The following TRPM3 variants were observed in gnomAD, a reference collection of about 807,000 sequenced individuals.
TRPM3 encodes the protein long transient receptor potential channel 3.
In TRPM3, 77 loss-of-function variants were observed where a neutral mutation model predicts 181.2. That is an observed-to-expected ratio of 0.42 (90% confidence interval 0.35 to 0.51). The LOEUF is 0.51. TRPM3 is among the 20% of genes least tolerant of loss of function. The pLI is 0.01. For synonymous variants in TRPM3, 745 were observed against 796.4 expected (o/e 0.94, Z 1.09); for missense variants, 1,759 against 2,196.7 (o/e 0.80, Z 3.98).
intron 1 of TRPM3, among the ~76,000 whole-genome samples, chr9:71,158,638 T>C (rs943137899): frequency 6.6e-6 from 1 of 152,150 alleles, no homozygotes; most frequent in Admixed American, 6.6e-5. Flanking sequence ...ATTAGAATAA[T>C]AATGTCTCTC....
intron 1 of TRPM3, among the ~76,000 whole-genome samples, chr9:71,402,874 C>A (rs1463519913): frequency 6.6e-6 from 1 of 151,926 alleles, no homozygotes; most frequent in Non-Finnish European, 1.5e-5. Flanking sequence ...TGAATCAGAG[C>A]CAGTGCACAG....
chr9:70,832,327 G>T (rs1320215888), intron 5 of TRPM3, among the ~76,000 whole-genome samples: 1 of 152,062 alleles, frequency 6.6e-6, no homozygotes, highest in Non-Finnish European at 1.5e-5. Context: ...ATCTAAAAGA[G>T]AAATTTGCTT....
At chr9:70,553,533 G>A (rs1026423309) in intron 22 of TRPM3, among the ~76,000 whole-genome samples, 1 of 152,142 alleles carries the variant, frequency 6.6e-6, no homozygotes, top group African/African-American at 2.4e-5. Context: ...GTCTCCCCAA[G>A]TTATCACCTG....
chr9:71,196,751 T>C (rs2078394700), intron 1 of TRPM3, among the ~76,000 whole-genome samples: 1 of 152,096 alleles, frequency 6.6e-6, no homozygotes, highest in Non-Finnish European at 1.5e-5. Context: ...GACTTACATG[T>C]GTTTCAAAGA....
At chr9:70,778,511 GTTCT>G (rs2081889711) in intron 7 of TRPM3, among the ~76,000 whole-genome samples, 1 of 152,084 alleles carries the variant, frequency 6.6e-6, no homozygotes, top group Non-Finnish European at 1.5e-5. Context: ...AACCACCAGC[GTTCT>G]TTGTCTGTAC....
chr9:70,762,538 C>A (rs1484713751), intron 7 of TRPM3, among the ~76,000 whole-genome samples: 1 of 152,172 alleles, frequency 6.6e-6, no homozygotes, highest in Non-Finnish European at 1.5e-5. Context: ...TTATTAATAA[C>A]AGATACTATT....
intron 20 of TRPM3, among the ~76,000 whole-genome samples, chr9:70,601,366 C>G (rs1050987347): frequency 1.3e-5 from 2 of 152,164 alleles, no homozygotes; most frequent in Non-Finnish European, 2.9e-5. Context: ...ACCACAAAGC[C>G]TTCCTTTTGT....
At chr9:71,211,337 G>A (rs112974992) in intron 1 of TRPM3, among the ~76,000 whole-genome samples, 3,429 of 147,418 alleles carry the variant, frequency 0.023, 54 homozygotes, top group South Asian at 0.041. Context: ...TCTTTCATTT[G>A]TTACTGTTCT....
At chr9:70,656,917 T>C (rs1554806365) in intron 9 of TRPM3, among the ~76,000 whole-genome samples, 1 of 126,828 alleles carries the variant, frequency 7.9e-6, no homozygotes, top group Non-Finnish European at 1.7e-5. Flanking sequence ...AAGAAAGTTA[T>C]AAAAAAAAGT....
intron 1 of TRPM3, among the ~76,000 whole-genome samples, chr9:71,030,733 T>C (rs527938312): frequency 6.6e-6 from 1 of 152,308 alleles, no homozygotes; most frequent in South Asian, 2.1e-4. Flanking sequence ...CAAATAAATG[T>C]ATTAATCTGT....
upstream of TRPM3, among the ~76,000 whole-genome samples, chr9:71,126,609 C>T (rs1311930376): frequency 6.6e-6 from 1 of 152,170 alleles, no homozygotes; most frequent in Middle Eastern, 3.4e-3. Flanking sequence ...GGTATATTTC[C>T]CCTTTTGCCA....
intron 1 of TRPM3, among the ~76,000 whole-genome samples, chr9:71,131,241 G>C (rs1400714706): frequency 1.3e-5 from 2 of 152,124 alleles, no homozygotes; most frequent in Non-Finnish European, 2.9e-5. Flanking sequence ...TTCTCCTCCA[G>C]CTCTTCATGA....
At chr9:71,246,963 C>T (rs902843448) in intron 1 of TRPM3, among the ~76,000 whole-genome samples, 1 of 152,092 alleles carries the variant, frequency 6.6e-6, no homozygotes, top group Non-Finnish European at 1.5e-5. Context: ...TATTTCAAAC[C>T]CCAGACTGTT....
intron 1 of TRPM3, among the ~76,000 whole-genome samples, chr9:71,076,096 G>T (rs998821212): frequency 6.6e-6 from 1 of 152,036 alleles, no homozygotes; most frequent in African/African-American, 2.4e-5. Context: ...TAGAATGTGC[G>T]GGGGAGGGGG....
chr9:71,446,325 A>G (rs2094202968), intron 1 of TRPM3, among the ~76,000 whole-genome samples: 1 of 152,140 alleles, frequency 6.6e-6, no homozygotes, highest in Non-Finnish European at 1.5e-5. Context: ...CGTACACAGG[A>G]GTCACAATAC....
intron 1 of TRPM3, among the ~76,000 whole-genome samples, chr9:70,997,835 T>TC (rs1465002837): frequency 6.6e-6 from 1 of 152,130 alleles, no homozygotes; most frequent in East Asian, 1.9e-4. Flanking sequence ...AACTGTTGTA[T>TC]CCTTCCTGAT....
intron 14 of TRPM3, among the ~76,000 whole-genome samples, chr9:70,621,982 T>C (rs1012133456): frequency 5.3e-5 from 8 of 152,208 alleles, no homozygotes; most frequent in African/African-American, 1.9e-4. Context: ...TTGGTCTGAA[T>C]GTTTTTGCCT....
intron 1 of TRPM3, among the ~76,000 whole-genome samples, chr9:71,367,486 T>C (rs1302523318): frequency 5.3e-5 from 8 of 152,162 alleles, no homozygotes; most frequent in Non-Finnish European, 8.8e-5. Context: ...TTGTGCAGTT[T>C]TTTTCTTTTT....
At chr9:71,063,627 T>G in intron 1 of TRPM3, among the ~76,000 whole-genome samples, 1 of 152,038 alleles carries the variant, frequency 6.6e-6, no homozygotes, top group East Asian at 1.9e-4. Flanking sequence ...GAGTTAATAA[T>G]GAGCATAAAT....
Sources: allele counts gnomAD v4.1 joint callset (sites outside exome capture counted in the v4.1 genomes callset), GRCh38; gene constraint gnomAD v4.1.1; transcripts MANE v1.5; gene names NCBI Gene and HGNC (gene_info 2026-07-23, HGNC 2026-07-21).